The following NCALD variants were observed in gnomAD, a reference collection of about 807,000 sequenced individuals.
The protein encoded by NCALD is neurocalcin delta.
NCALD carries 10 observed loss-of-function variants against 18.6 expected under a neutral mutation model. That is an observed-to-expected ratio of 0.54 (90% CI 0.33 to 0.91). NCALD has a LOEUF of 0.91. Among genes scored for constraint, NCALD ranks in the 40% least tolerant of loss-of-function variants. The probability of loss-of-function intolerance (pLI) is 0.03; values close to 1 mark genes in which losing one functional copy is unlikely to be tolerated. For synonymous variants in NCALD, 88 were observed against 87.4 expected (o/e 1.01, Z -0.04); for missense variants, 184 against 247.6 (o/e 0.74, Z 1.72).
chr8:101,701,093 C>G (rs113605567), intron 2 of NCALD, among the ~76,000 whole-genome samples: 4 of 152,310 alleles, frequency 2.6e-5, no homozygotes, highest in African/African-American at 9.6e-5. Context: ...CCAATGGCCC[C>G]CAGAGTGAGT....
intron 1 of NCALD, among the ~76,000 whole-genome samples, chr8:101,731,104 G>T (rs936063439): frequency 6.6e-6 from 1 of 152,124 alleles, no homozygotes; most frequent in African/African-American, 2.4e-5. Context: ...CACCATGGAG[G>T]TAAGTGTGAG....
chr8:102,116,097 G>A (rs1308117677), intron 1 of NCALD, among the ~76,000 whole-genome samples: 2 of 150,830 alleles, frequency 1.3e-5, no homozygotes, highest in African/African-American at 4.9e-5. Context: ...ATCACACACC[G>A]GGGCCTGTCG....
rs751334117 is a variant in NCALD at position 101,719,369 on chromosome 8, G to C, written c.261C>G (p.Ile87Met). 4 of 1,614,074 alleles carry C rather than the reference G, an allele frequency of 2.5e-6. No individual in the cohort carries two copies. The highest frequency in any genetic ancestry group is 1.3e-5 in the African/African-American group (1 of 74,918). The change falls in exon 2 of 4, where the codon ATC becomes ATG. Residue 87 changes from isoleucine (I) to methionine (M), a missense_variant. By Grantham distance (10) the Ile-to-Met change is conservative (BLOSUM62 1). Coordinates refer to ENST00000220931, the MANE Select transcript of NCALD (RefSeq NM_032041.3). ...TCCCCCTCGAAGTTACACTCAAGGC[G>C]ATGATGAATTCTCTAAAGTCTATTG... ...DGTIDFREFI[I>M]ALSVTSRGKL...
At chr8:101,874,701 A>T (rs186151019) in intron 4 of NCALD, among the ~76,000 whole-genome samples, 151 of 151,970 alleles carry the variant, frequency 9.9e-4, no homozygotes, top group African/African-American at 3.0e-3. Context: ...ATTTTAAAAA[A>T]TTTTTTTGTA....
rs573828517 is a variant in NCALD at position 101,911,794 on chromosome 8, G to A, written c.-107+4015C>T. Among the ~76,000 whole-genome samples the A allele has an allele frequency of 5.3e-5, 8 of 152,262 alleles. No individual in the cohort carries two copies. The East Asian group carries it at 1.3e-3, about 26-fold the overall frequency. ...CATGTCTGAGACATAAATAGCAAAG[G>A]TTTCTGTTTCGGTCCCCTAAGAGGT... On this transcript the variant is annotated intron_variant, in intron 3 of 6. Transcript: ENST00000311028.
intron 2 of NCALD, among the ~76,000 whole-genome samples, chr8:101,969,069 C>A (rs1243258043): frequency 6.6e-6 from 1 of 152,212 alleles, no homozygotes; most frequent in African/African-American, 2.4e-5. Context: ...TTTGGCAACA[C>A]AAGCAGTCTC....
rs118063049 is a variant in NCALD at position 101,775,101 on chromosome 8, C to T, written c.-20+15761G>A. Among the ~76,000 whole-genome samples, 1,081 of 152,264 alleles carry T rather than the reference C, an allele frequency of 7.1e-3. 35 individuals carry two copies. Among genetic ancestry groups the T allele is most frequent in the Admixed American group, 0.05 (761 of 15,292 alleles). The stretch of plus-strand genomic sequence containing the variant: ...TGGACTGAGAACTTCCTACTGGCAT[C>T]GGATCTCTTTGTCACCAATGGCATA... On this transcript the variant is annotated intron_variant, in intron 1 of 3. Transcript: ENST00000220931.
intron 1 of NCALD, among the ~76,000 whole-genome samples, chr8:101,767,369 A>T (rs376296618): frequency 7.2e-5 from 11 of 152,370 alleles, no homozygotes; most frequent in African/African-American, 2.6e-4. Context: ...ATGGAAACAC[A>T]CACATACACA....
intron 1 of NCALD, among the ~76,000 whole-genome samples, chr8:102,081,098 T>G (rs75674519): frequency 0.088 from 13,323 of 152,222 alleles, 777 homozygotes; most frequent in South Asian, 0.15. Flanking sequence ...TTTGTATAAG[T>G]TCCCCAAGTT....
At chr8:101,944,126 T>A (rs1819074250) in intron 2 of NCALD, among the ~76,000 whole-genome samples, 1 of 152,186 alleles carries the variant, frequency 6.6e-6, no homozygotes, top group Non-Finnish European at 1.5e-5. Flanking sequence ...AGGATGACCA[T>A]GTACCAGACA....
chr8:102,109,912 G>GTT (rs1241353841), intron 1 of NCALD, among the ~76,000 whole-genome samples: 1 of 152,034 alleles, frequency 6.6e-6, no homozygotes, highest in East Asian at 1.9e-4. Context: ...TTAATATAGA[G>GTT]TTTTTTTCTT....
chr8:102,022,452 G>A (rs1822307848), intron 1 of NCALD, among the ~76,000 whole-genome samples: 1 of 152,168 alleles, frequency 6.6e-6, no homozygotes, highest in Non-Finnish European at 1.5e-5. Flanking sequence ...TGCAGTTCTT[G>A]GAAATGGTTC....
At chr8:101,919,536 T>C (rs1818089644) in intron 2 of NCALD, among the ~76,000 whole-genome samples, 1 of 151,774 alleles carries the variant, frequency 6.6e-6, no homozygotes, top group African/African-American at 2.4e-5. Flanking sequence ...AAATAAGAAC[T>C]AATTAAACTA....
intron 1 of NCALD, among the ~76,000 whole-genome samples, chr8:102,110,610 A>G (rs1249965625): frequency 3.3e-5 from 5 of 152,240 alleles, no homozygotes; most frequent in African/African-American, 9.6e-5. Flanking sequence ...TGGTCAATGC[A>G]TGGTAAAAGA....
chr8:101,935,293 A>G (rs1373015432), intron 2 of NCALD, among the ~76,000 whole-genome samples: 1 of 152,200 alleles, frequency 6.6e-6, no homozygotes, highest in African/African-American at 2.4e-5. Context: ...GAATTTTCCA[A>G]ACAATTCCTA....
intron 1 of NCALD, among the ~76,000 whole-genome samples, chr8:101,726,359 C>A (rs1330688086): frequency 6.6e-6 from 1 of 152,082 alleles, no homozygotes; most frequent in Admixed American, 6.5e-5. Flanking sequence ...GGTATGATGT[C>A]CATGCAATGA....
chr8:101,895,221 A>G (rs1332343602), intron 3 of NCALD, among the ~76,000 whole-genome samples: 1 of 148,210 alleles, frequency 6.7e-6, no homozygotes, highest in East Asian at 1.9e-4. Context: ...ACGCAAATCA[A>G]TAAATGTAAT....
intron 1 of NCALD, among the ~76,000 whole-genome samples, chr8:101,753,361 T>C (rs1272488944): frequency 6.6e-6 from 1 of 152,174 alleles, no homozygotes; most frequent in African/African-American, 2.4e-5. Context: ...GAGGTATTTT[T>C]AAGGTAGAAT....
chr8:101,987,829 A>T (rs1177426159), intron 2 of NCALD, among the ~76,000 whole-genome samples: 1 of 152,184 alleles, frequency 6.6e-6, no homozygotes, highest in African/African-American at 2.4e-5. Context: ...CAGTAGCACA[A>T]ACTCACCTGG....
Sources: allele counts gnomAD v4.1 joint callset (sites outside exome capture counted in the v4.1 genomes callset), GRCh38; gene constraint gnomAD v4.1.1; transcripts MANE v1.5; gene names NCBI Gene and HGNC (gene_info 2026-07-23, HGNC 2026-07-21).